LEF1: variants seen among roughly 807,000 people sequenced by gnomAD.
The protein encoded by LEF1 is lymphoid enhancer-binding factor 1.
A neutral mutation model predicts 51.2 loss-of-function variants in LEF1; 14 were observed. The ratio of observed to expected loss-of-function variants is 0.27; its 90% CI spans 0.18 to 0.43. The LOEUF is 0.43. Among genes scored for constraint, LEF1 ranks in the 20% least tolerant of loss-of-function variants. LEF1 has a pLI of 1.00. For missense variants in LEF1, 386 were observed against 512.0 expected (o/e 0.75, Z 2.37); for synonymous variants, 185 against 183.2 (o/e 1.01, Z -0.08).
chr4:108,131,858 C>T (rs1026123653), intron 3 of LEF1, among the ~76,000 whole-genome samples: 1 of 152,142 alleles, frequency 6.6e-6, no homozygotes, highest in African/African-American at 2.4e-5. Flanking sequence ...GATGATATAA[C>T]AGTGAGTTCA....
chr4:108,049,863 G>C (rs967711422), intron 11 of LEF1, among the ~76,000 whole-genome samples: 16 of 152,232 alleles, frequency 1.1e-4, no homozygotes, highest in African/African-American at 2.4e-5. Flanking sequence ...AGTCCACAGA[G>C]TACTTTCCAT....
intron 3 of LEF1, among the ~76,000 whole-genome samples, chr4:108,098,673 A>G (rs6533350): frequency 0.57 from 86,566 of 151,938 alleles, 25,016 homozygotes; most frequent in Middle Eastern, 0.73. Context: ...AGTGCCATAT[A>G]TATACAGTAT....
At chr4:108,073,595 G>GT (rs1289545329) in intron 8 of LEF1, among the ~76,000 whole-genome samples, 3 of 151,996 alleles carry the variant, frequency 2.0e-5, no homozygotes, top group Non-Finnish European at 4.4e-5. Flanking sequence ...ATAGTTTTAC[G>GT]TAACTTACAG....
chr4:108,157,110 C>G (rs1187043988), intron 3 of LEF1, among the ~76,000 whole-genome samples: 12 of 151,708 alleles, frequency 7.9e-5, no homozygotes. Context: ...TAGAACCACT[C>G]TCCTTTTTAG....
intron 9 of LEF1, among the ~76,000 whole-genome samples, chr4:108,067,121 T>C (rs531816440): frequency 6.6e-6 from 1 of 152,376 alleles, no homozygotes; most frequent in South Asian, 2.1e-4. Flanking sequence ...GCCTCAGTAA[T>C]TGAATGACTT....
chr4:108,072,334 CTT>C (rs1183358337), intron 8 of LEF1: 1 of 152,242 alleles, frequency 6.6e-6, no homozygotes, highest in African/African-American at 2.4e-5. Flanking sequence ...ACCTGCTGCT[CTT>C]GTTTGACAAC....
chr4:108,049,954 A>G (rs1560749945), intron 11 of LEF1, among the ~76,000 whole-genome samples: 1 of 152,236 alleles, frequency 6.6e-6, no homozygotes, highest in Non-Finnish European at 1.5e-5. Flanking sequence ...TGGCTCCTAT[A>G]TTTAAAGTGC....
At chr4:108,078,407 T>C in intron 7 of LEF1, 25 bp from the exon 8 acceptor site, 1 of 1,613,784 alleles carries the variant, frequency 6.2e-7, no homozygotes, top group Non-Finnish European at 8.5e-7. Flanking sequence ...TGGTGGTGGT[T>C]AGGGGAAGGG....
chr4:108,049,528 G>C (rs1252394518), intron 11 of LEF1, among the ~76,000 whole-genome samples: 1 of 152,206 alleles, frequency 6.6e-6, no homozygotes, highest in Non-Finnish European at 1.5e-5. Context: ...GAAAGTAAAA[G>C]CATGGCAAAG....
At chr4:108,123,107 G>A (rs559842946) in intron 3 of LEF1, among the ~76,000 whole-genome samples, 1 of 152,218 alleles carries the variant, frequency 6.6e-6, no homozygotes, top group Admixed American at 6.5e-5. Flanking sequence ...GAAATTACTT[G>A]AGGCCTATAT....
Position 108,167,398 on chromosome 4 carries a change from C to A in LEF1, c.213+157G>T. ...CACACACACACACACACACACACTG[C>A]GGACCGGGGGCCCAGCTACGCACAC... On this transcript the variant is annotated intron_variant, in intron 1 of 11. Transcript: ENST00000265165. The surrounding 1 kb of genome is among the most constrained non-coding windows in gnomAD (Gnocchi z 5.7). The A allele has an allele frequency of 1.6e-6, 1 of 618,760 alleles. No homozygotes were observed. Among genetic ancestry groups the A allele is most frequent in the Non-Finnish European group, 2.9e-6 (1 of 350,568 alleles). 38.3% of individuals were successfully genotyped at this position (618,760 alleles called of 1,614,324 possible). A position where few individuals can be genotyped will look rare whatever the true frequency, so the allele number is the denominator to read the frequency against.
rs74817345 is a variant in LEF1 at position 108,068,379 on chromosome 4, T to A, written c.1116+2284A>T. Among the ~76,000 whole-genome samples the A allele has an allele frequency of 8.6e-3, 1,305 of 152,294 alleles. 16 individuals carry two copies. The highest frequency in any genetic ancestry group is 0.029 in the African/African-American group (1,185 of 41,560). On this transcript the variant is annotated intron_variant, in intron 9 of 11. Transcript: ENST00000265165. ...GATTTTGAAGTCAGAGTGACCTGGG[T>A]GAAAACTTCAGCTTAGCCACCTACT... is the stretch of plus-strand genomic sequence containing the variant.
intron 10 of LEF1, 140 bp from the exon 11 acceptor site, chr4:108,063,803 AC>A (rs1578294914): frequency 3.4e-6 from 2 of 595,798 alleles, no homozygotes; most frequent in African/African-American, 3.9e-5. Flanking sequence ...TTTGTGCAGT[AC>A]AAGTAGTGGC....
At chr4:108,144,837 T>A (rs968884548) in intron 3 of LEF1, among the ~76,000 whole-genome samples, 14 of 117,138 alleles carry the variant, frequency 1.2e-4, no homozygotes, top group African/African-American at 4.8e-4. Flanking sequence ...GCAAGTAATC[T>A]GTACAGCAAA....
intron 3 of LEF1, among the ~76,000 whole-genome samples, chr4:108,132,658 C>CTTT (rs1560813326): frequency 1.4e-4 from 5 of 35,710 alleles, no homozygotes; most frequent in Non-Finnish European, 2.0e-4. Flanking sequence ...CGAAAATCTG[C>CTTT]CTTTTTTTTT....
chr4:108,086,402 T>C (rs1739649778), intron 4 of LEF1, among the ~76,000 whole-genome samples: 1 of 152,222 alleles, frequency 6.6e-6, no homozygotes, highest in South Asian at 2.1e-4. Context: ...TTTCACATCA[T>C]TTATTCAACT....
chr4:108,078,424 G>A (rs749441545), intron 7 of LEF1, 42 bp from the exon 8 acceptor site: 2 of 1,613,564 alleles, frequency 1.2e-6, no homozygotes, highest in East Asian at 2.2e-5. Flanking sequence ...AGGGGTTGAA[G>A]GAATGAGGAA....
intron 3 of LEF1, among the ~76,000 whole-genome samples, chr4:108,151,159 T>C (rs1744336408): frequency 6.6e-6 from 1 of 151,396 alleles, no homozygotes; most frequent in Non-Finnish European, 1.5e-5. Context: ...AAATTAATTA[T>C]TTCCATTAAT....
At chr4:108,144,011 G>A (rs1317030288) in intron 3 of LEF1, among the ~76,000 whole-genome samples, 2 of 152,020 alleles carry the variant, frequency 1.3e-5, no homozygotes, top group African/African-American at 2.4e-5. Context: ...AACCTGGAGG[G>A]TCCTTATGCT....
Sources: gnomAD v4.1 joint callset for allele counts (sites outside exome capture counted in the v4.1 genomes callset) on GRCh38, gnomAD v4.1.1 for gene constraint, Gnocchi (gnomAD v3.1) non-coding constraint, MANE v1.5 for transcripts, NCBI Gene and HGNC (gene_info 2026-07-23, HGNC 2026-07-21) for gene names.